Variants in GAS7 observed in about 807,000 individuals in gnomAD.
GAS7 encodes growth arrest specific 7, also known as growth arrest-specific protein 7.
In GAS7, 28 loss-of-function variants were observed where a neutral mutation model predicts 71.1. The ratio of observed to expected loss-of-function variants is 0.39; its 90% CI spans 0.29 to 0.54. The LOEUF (loss-of-function observed/expected upper bound fraction) is 0.54, where lower values mean the gene tolerates loss of function less well. GAS7 is among the 20% of genes least tolerant of loss of function. The pLI is 0.62. For synonymous variants in GAS7, 258 were observed against 245.8 expected (o/e 1.05, Z -0.46); for missense variants, 436 against 627.8 (o/e 0.69, Z 3.27).
chr17:10,165,578 C>T (rs181015050), intron 1 of GAS7, among the ~76,000 whole-genome samples: 3 of 152,334 alleles, frequency 2.0e-5, no homozygotes, highest in Admixed American at 1.3e-4. Flanking sequence ...AAAACATTGG[C>T]TTTTGCCAAG....
intron 2 of GAS7, among the ~76,000 whole-genome samples, chr17:9,984,373 G>A (rs1185630469): frequency 6.6e-6 from 1 of 152,144 alleles, no homozygotes; most frequent in Non-Finnish European, 1.5e-5. Flanking sequence ...GGACTCCAGG[G>A]GCAGGCATAA....
intron 1 of GAS7, among the ~76,000 whole-genome samples, chr17:10,095,697 G>A (rs1392706861): frequency 6.6e-6 from 1 of 151,386 alleles, no homozygotes; most frequent in Non-Finnish European, 1.5e-5. Context: ...GTGCATGCCT[G>A]TAATCCCAGC....
At chr17:10,005,218 T>C (rs533657767) in intron 2 of GAS7, among the ~76,000 whole-genome samples, 33,274 of 147,476 alleles carry the variant, frequency 0.23, 5,426 homozygotes, top group African/African-American at 0.49. Context: ...CATGTGCGCG[T>C]GTGCATGTAT....
At chr17:10,186,766 T>A (rs777332041) in intron 1 of GAS7, among the ~76,000 whole-genome samples, 14 of 152,176 alleles carry the variant, frequency 9.2e-5, no homozygotes, top group Admixed American at 2.6e-4. Context: ...CTCATGCCTA[T>A]ACTCCCAACA....
intron 4 of GAS7, among the ~76,000 whole-genome samples, chr17:9,967,501 A>T (rs1374173836): frequency 6.6e-6 from 1 of 152,182 alleles, no homozygotes; most frequent in Non-Finnish European, 1.5e-5. Flanking sequence ...TCAGACGCAG[A>T]CAGAGCCACC....
intron 1 of GAS7, among the ~76,000 whole-genome samples, chr17:10,053,650 A>G (rs2073094154): frequency 6.6e-6 from 1 of 152,036 alleles, no homozygotes; most frequent in Non-Finnish European, 1.5e-5. Context: ...GCAAGTGCTG[A>G]ATCGTCTAGA....
intron 1 of GAS7, among the ~76,000 whole-genome samples, chr17:10,156,435 A>G (rs2074205804): frequency 6.6e-6 from 1 of 152,234 alleles, no homozygotes; most frequent in Non-Finnish European, 1.5e-5. Flanking sequence ...CGTCAAGAGA[A>G]GTTTTAAATA....
intron 1 of GAS7, among the ~76,000 whole-genome samples, chr17:10,169,085 G>A (rs2074315993): frequency 6.6e-6 from 1 of 151,664 alleles, no homozygotes; most frequent in African/African-American, 2.4e-5. Context: ...GATCAGCCTG[G>A]CCAACATGGT....
chr17:10,097,982 C>T (rs1380828022), intron 1 of GAS7, among the ~76,000 whole-genome samples: 6 of 150,670 alleles, frequency 4.0e-5, no homozygotes, highest in South Asian at 2.1e-4. Flanking sequence ...AGGCAGAGGT[C>T]GCAATGAGCC....
At chr17:10,030,205 T>C (rs766615827) in intron 1 of GAS7, among the ~76,000 whole-genome samples, 2 of 152,222 alleles carry the variant, frequency 1.3e-5, no homozygotes, top group Non-Finnish European at 1.5e-5. Context: ...CCGGGTTGTA[T>C]TGGCCCCGAG....
chr17:10,131,832 T>C (rs1407467107), intron 1 of GAS7, among the ~76,000 whole-genome samples: 2 of 152,150 alleles, frequency 1.3e-5, no homozygotes, highest in African/African-American at 4.8e-5. Context: ...AATGAATACA[T>C]GTGCTCATGA....
chr17:9,985,762 G>A (rs1398891775), intron 2 of GAS7, among the ~76,000 whole-genome samples: 1 of 152,138 alleles, frequency 6.6e-6, no homozygotes, highest in African/African-American at 2.4e-5. Flanking sequence ...GGGGATCAAC[G>A]GCCCACCAAT....
chr17:10,102,206 A>T (rs974663204), intron 1 of GAS7, among the ~76,000 whole-genome samples: 8 of 15,758 alleles, frequency 5.1e-4, no homozygotes, highest in African/African-American at 2.1e-3. Context: ...GAGTGCCCGT[A>T]AAAAAAAAAA....
At chr17:9,980,709 A>G (rs528701504) in intron 3 of GAS7, among the ~76,000 whole-genome samples, 2 of 152,314 alleles carry the variant, frequency 1.3e-5, no homozygotes, top group South Asian at 4.1e-4. Flanking sequence ...GAAACAGACA[A>G]AGTCCCCACC....
chr17:10,036,216 T>C (rs924947225), intron 1 of GAS7, among the ~76,000 whole-genome samples: 2 of 151,298 alleles, frequency 1.3e-5, no homozygotes, highest in African/African-American at 2.4e-5. Flanking sequence ...TCTCACACAA[T>C]GACCCACGTC....
intron 1 of GAS7, among the ~76,000 whole-genome samples, chr17:10,105,939 G>T (rs908537108): frequency 1.3e-5 from 2 of 152,034 alleles, no homozygotes; most frequent in Non-Finnish European, 2.9e-5. Context: ...TGCCATGTTC[G>T]TATTTCCTCT....
At chr17:10,160,511 C>A (rs1166227458) in intron 1 of GAS7, among the ~76,000 whole-genome samples, 1 of 152,128 alleles carries the variant, frequency 6.6e-6, no homozygotes, top group East Asian at 1.9e-4. Context: ...GGTTACCTAG[C>A]CAGGAAGAAG....
chr17:10,137,545 T>C (rs1485246639), intron 1 of GAS7, among the ~76,000 whole-genome samples: 1 of 146,724 alleles, frequency 6.8e-6, no homozygotes, highest in Admixed American at 6.8e-5. Flanking sequence ...GTTTTCTCTT[T>C]TTTTTTTTTT....
chr17:9,941,380 A>G (rs932462435), intron 7 of GAS7, among the ~76,000 whole-genome samples: 1 of 152,154 alleles, frequency 6.6e-6, no homozygotes, highest in African/African-American at 2.4e-5. Flanking sequence ...TGCACCAGAC[A>G]CACGAGGTGC....
Sources: gnomAD v4.1 joint callset for allele counts (sites outside exome capture counted in the v4.1 genomes callset) on GRCh38, gnomAD v4.1.1 for gene constraint, MANE v1.5 for transcripts, NCBI Gene and HGNC (gene_info 2026-07-23, HGNC 2026-07-21) for gene names.